The following VPS13C variants were observed in gnomAD, a reference collection of about 807,000 sequenced individuals.
The protein encoded by VPS13C is intermembrane lipid transfer protein VPS13C.
In VPS13C, 358 loss-of-function variants were observed where a neutral mutation model predicts 456.8. That is an observed-to-expected ratio of 0.78 (90% confidence interval 0.72 to 0.86). The LOEUF (loss-of-function observed/expected upper bound fraction) is 0.86. Among genes scored for constraint, VPS13C ranks in the 40% least tolerant of loss-of-function variants. The pLI is 0.00. For missense variants in VPS13C, 4,818 were observed against 4,385.4 expected (o/e 1.10, Z -2.79); for synonymous variants, 1,578 against 1,486.7 (o/e 1.06, Z -1.41).
chr15:62,045,902 T>A (rs1346904709), intron 1 of VPS13C, among the ~76,000 whole-genome samples: 2 of 152,132 alleles, frequency 1.3e-5, no homozygotes, highest in Non-Finnish European at 2.9e-5. Flanking sequence ...TTGAGTTTTT[T>A]AAAAAGTAAA....
rs1489928074 is a variant in VPS13C at position 61,880,631 on chromosome 15, T to C, written c.9980A>G (p.His3327Arg). 6.3e-7 allele frequency: 1 copy of C among 1,584,334 alleles called. No individual in the cohort carries two copies. The highest frequency in any genetic ancestry group is 2.3e-5 in the East Asian group (1 of 44,236). The change falls in exon 73 of 85, where the codon CAT (histidine) becomes CGT (arginine). Residue 3327 changes from histidine to arginine, a missense_variant. Coordinates refer to ENST00000644861, the MANE Select transcript of VPS13C (RefSeq NM_020821.3). ...AACCTTCACAGGAGAAATATGGAAA[T>C]GTTCAAAGAAACTAAGAATTGACAT... is the stretch of plus-strand genomic sequence containing the variant. ...TDMSILSFFE[H>R]FHISPVKLHL...
chr15:61,959,628 G>C (rs763393851), intron 35 of VPS13C, 33 bp from the exon 36 acceptor site: 1 of 1,590,194 alleles, frequency 6.3e-7, no homozygotes, highest in Admixed American at 1.7e-5. Flanking sequence ...ATAATGCATA[G>C]ATATAGGGTA....
At chr15:62,060,034 G>T (rs1282793601) in intron 1 of VPS13C, among the ~76,000 whole-genome samples, 2 of 152,220 alleles carry the variant, frequency 1.3e-5, no homozygotes, top group African/African-American at 4.8e-5. Context: ...GGCCTCGGGG[G>T]ACGAGAAAGG....
chr15:61,919,229 T>C, intron 58 of VPS13C, 60 bp downstream of exon 58: 1 of 1,492,690 alleles, frequency 6.7e-7, no homozygotes, highest in Non-Finnish European at 9.0e-7. Flanking sequence ...TATATTCAGC[T>C]AAATGATTTA....
At chr15:61,934,875 C>G (rs958239180) in intron 48 of VPS13C, among the ~76,000 whole-genome samples, 51 of 152,208 alleles carry the variant, frequency 3.4e-4, no homozygotes, top group African/African-American at 1.2e-3. Context: ...CTCAGCCTCC[C>G]AAGTAGCTGG....
At position 61,867,932 on chromosome 15, in the gene VPS13C, G is replaced by C; in HGVS notation, c.10863+727C>G. 1 of 1,603,606 alleles carries C rather than the reference G, an allele frequency of 6.2e-7. No homozygotes were observed. The highest frequency in any genetic ancestry group is 8.5e-7 in the Non-Finnish European group (1 of 1,172,204). Reference sequence around the variant, plus strand: ...AGTAGTTTAGGAAACATTTATTCCTGTATTTCCAGTTCTTGCTGTGCAGGC... The same window carrying C: ...AGTAGTTTAGGAAACATTTATTCCTCTATTTCCAGTTCTTGCTGTGCAGGC... On this transcript the variant is annotated intron_variant, in intron 81 of 84. Transcript: ENST00000644861. This position sits in a 1 kb window ranked among gnomAD's most constrained non-coding sequence, Gnocchi z 5.0.
At chr15:61,913,996 T>C (rs1285250950) in intron 61 of VPS13C, among the ~76,000 whole-genome samples, 1 of 152,114 alleles carries the variant, frequency 6.6e-6, no homozygotes, top group African/African-American at 2.4e-5. Context: ...AGAGGATAAA[T>C]AGTTTACTTC....
In VPS13C at chr15:61,882,668, T is replaced by A. The variant is rs779461212; in HGVS notation, c.9552A>T (p.Leu3184Phe). Residue 3184 changes from leucine to phenylalanine, a missense_variant, in exon 69 of 85, where the codon TTA becomes TTT. Physicochemically the swap from Leu to Phe is conservative, Grantham distance 22 (BLOSUM62 0). Coordinates refer to ENST00000644861, the MANE Select transcript of VPS13C (RefSeq NM_020821.3). ...PIRSPIKRDF[L>F]SGIQIEFKQS... Reference sequence around the variant, plus strand: ...GCTTAAATTCAATCTGAATTCCTGATAAAAAGTCTCGTTTAATAGGGCTAC... The same window carrying A: ...GCTTAAATTCAATCTGAATTCCTGAAAAAAAGTCTCGTTTAATAGGGCTAC... 1 of 1,601,076 alleles carries A rather than the reference T, an allele frequency of 6.2e-7. No individual in the cohort carries two copies. The highest frequency in any genetic ancestry group is 1.1e-5 in the South Asian group (1 of 87,758).
chr15:61,900,285 C>A (rs1191858097), intron 66 of VPS13C, among the ~76,000 whole-genome samples: 2 of 152,020 alleles, frequency 1.3e-5, no homozygotes, highest in African/African-American at 2.4e-5. Context: ...GGAGAAGGAA[C>A]TAAAGGGTAT....
chr15:61,871,965 A>G (rs749870223), intron 79 of VPS13C, 24 bp downstream of exon 79: 11 of 1,605,052 alleles, frequency 6.9e-6, no homozygotes, highest in Non-Finnish European at 9.4e-6. Flanking sequence ...GACTTTGTAA[A>G]GGAAGGAAAT....
At chr15:61,999,509 G>A (rs566261258) in intron 16 of VPS13C, among the ~76,000 whole-genome samples, 1 of 152,124 alleles carries the variant, frequency 6.6e-6, no homozygotes, top group Non-Finnish European at 1.5e-5. Flanking sequence ...TCATTTAAAA[G>A]TATGAGTAAG....
chr15:61,942,250 T>C (rs1177265559), intron 45 of VPS13C, among the ~76,000 whole-genome samples, 183 bp from the exon 46 acceptor site: 3 of 151,856 alleles, frequency 2.0e-5, no homozygotes, highest in East Asian at 3.8e-4. Flanking sequence ...ATAGTTACTG[T>C]AGGAAGAAAG....
intron 1 of VPS13C, among the ~76,000 whole-genome samples, chr15:62,047,051 A>T (rs1250248298): frequency 1.3e-5 from 2 of 152,024 alleles, no homozygotes; most frequent in African/African-American, 2.4e-5. Flanking sequence ...GTAAATTCAC[A>T]TGTCAATACG....
intron 82 of VPS13C, among the ~76,000 whole-genome samples, chr15:61,861,286 A>G (rs985924261): frequency 2.0e-5 from 3 of 151,968 alleles, no homozygotes; most frequent in Admixed American, 6.6e-5. Flanking sequence ...CTTATTTTCA[A>G]TACTGGGGTG....
intron 62 of VPS13C, among the ~76,000 whole-genome samples, chr15:61,912,933 C>T (rs1242003936): frequency 2.7e-5 from 4 of 150,438 alleles, no homozygotes; most frequent in Non-Finnish European, 5.9e-5. Context: ...TGAAAAAATG[C>T]TCACCATCAC....
intron 19 of VPS13C, among the ~76,000 whole-genome samples, chr15:61,984,457 G>A (rs539113605): frequency 6.6e-6 from 1 of 152,234 alleles, no homozygotes; most frequent in South Asian, 2.1e-4. Flanking sequence ...CATTAACTAT[G>A]AGGCATTTAA....
At chr15:61,911,676 T>C (rs2043305750) in intron 63 of VPS13C, among the ~76,000 whole-genome samples, 164 bp downstream of exon 63, 1 of 152,190 alleles carries the variant, frequency 6.6e-6, no homozygotes, top group Non-Finnish European at 1.5e-5. Flanking sequence ...AAAACTTTTC[T>C]CCTTTTTTTA....
intron 48 of VPS13C, chr15:61,935,735 C>G (rs1460986283): frequency 6.6e-6 from 1 of 152,158 alleles, no homozygotes; most frequent in Admixed American, 6.5e-5. Flanking sequence ...AACCAGAAAC[C>G]TTGCACACTG....
intron 75 of VPS13C, 43 bp from the exon 76 acceptor site, chr15:61,875,888 G>C: frequency 8.0e-7 from 1 of 1,247,358 alleles, no homozygotes; most frequent in Non-Finnish European, 1.1e-6. Flanking sequence ...CACAACTATT[G>C]TAAGAAACAT....
Sources: gnomAD v4.1 joint callset for allele counts (sites outside exome capture counted in the v4.1 genomes callset) on GRCh38, gnomAD v4.1.1 for gene constraint, Gnocchi (gnomAD v3.1) non-coding constraint, MANE v1.5 for transcripts, NCBI Gene and HGNC (gene_info 2026-07-23, HGNC 2026-07-21) for gene names.